ZDHHC21: variants seen among roughly 807,000 people sequenced by gnomAD.
ZDHHC21 encodes the protein zDHHC palmitoyltransferase 21, also known as palmitoyltransferase ZDHHC21.
Under a neutral mutation model 34.6 loss-of-function variants are expected in ZDHHC21, and 15 were observed. The observed-to-expected ratio is 0.43, with a 90% CI of 0.29 to 0.67. The LOEUF is 0.67. Ranked by LOEUF, ZDHHC21 falls within the 30% of genes least tolerant of loss-of-function variation. ZDHHC21 has a pLI of 0.14. For missense variants in ZDHHC21, 344 were observed against 327.7 expected (o/e 1.05, Z -0.38); for synonymous variants, 142 against 101.8 (o/e 1.40, Z -2.38).
intron 7 of ZDHHC21, among the ~76,000 whole-genome samples, chr9:14,641,287 T>C (rs1829324756): frequency 6.6e-6 from 1 of 152,186 alleles, no homozygotes; most frequent in Non-Finnish European, 1.5e-5. Context: ...TAAAACGTTA[T>C]GTAGCAGGTA....
intron 7 of ZDHHC21, among the ~76,000 whole-genome samples, chr9:14,648,451 C>T (rs1182349864): frequency 1.3e-5 from 2 of 152,028 alleles, no homozygotes; most frequent in Non-Finnish European, 2.9e-5. Flanking sequence ...AACTCATCAT[C>T]TCCTATTGCT....
chr9:14,621,187 G>C (rs1586888878), intron 8 of ZDHHC21, among the ~76,000 whole-genome samples: 2 of 152,140 alleles, frequency 1.3e-5, no homozygotes, highest in African/African-American at 4.8e-5. Flanking sequence ...CGAGAAAGCT[G>C]AAATAGAATA....
chr9:14,619,122 G>GA, intron 9 of ZDHHC21, 24 bp from the exon 10 acceptor site: 1 of 1,583,380 alleles, frequency 6.3e-7, no homozygotes, highest in Non-Finnish European at 8.6e-7. Context: ...CATTATTAGT[G>GA]AAAGACAGCA....
chr9:14,607,551 G>A (rs887875652), downstream of ZDHHC21, among the ~76,000 whole-genome samples: 2 of 151,920 alleles, frequency 1.3e-5, no homozygotes, highest in African/African-American at 4.8e-5. Flanking sequence ...TGGGGAGGAG[G>A]GTGGGAGTGA....
intron 8 of ZDHHC21, among the ~76,000 whole-genome samples, chr9:14,620,191 C>G (rs756032386): frequency 6.6e-6 from 1 of 151,890 alleles, no homozygotes; most frequent in Non-Finnish European, 1.5e-5. Context: ...ATTCTGAAAA[C>G]TAAACTGACC....
At chr9:14,653,896 CAATT>C (rs1424027892) in intron 7 of ZDHHC21, among the ~76,000 whole-genome samples, 1 of 151,552 alleles carries the variant, frequency 6.6e-6, no homozygotes, top group Non-Finnish European at 1.5e-5. Context: ...AGATAAAATC[CAATT>C]AATTAATAAA....
Position 14,616,172 on chromosome 9 carries a change from C to T in ZDHHC21, c.*2794G>A, listed in dbSNP as rs1314062645. On this transcript the variant is annotated 3_prime_UTR_variant, in exon 10 of 10. Coordinates refer to ENST00000380916, the MANE Select transcript of ZDHHC21 (RefSeq NM_178566.6). ...GATATTCATTAAAACACAGAAAATGCTTGGTTGTCTTTGTAGCTACAATAC... is the reference window on the plus strand; with the variant it reads ...GATATTCATTAAAACACAGAAAATGTTTGGTTGTCTTTGTAGCTACAATAC... 6.6e-6 allele frequency: 1 copy of T among 151,548 alleles called. No individual in the cohort carries two copies. Among genetic ancestry groups the T allele is most frequent in the African/African-American group, 2.4e-5 (1 of 41,338 alleles). The allele number at this position is 151,548 out of a possible 1,614,324, so 9.4% of individuals were successfully genotyped here. A position where few individuals can be genotyped will look rare whatever the true frequency, so the allele number is the denominator to read the frequency against.
intron 4 of ZDHHC21, among the ~76,000 whole-genome samples, 153 bp from the exon 5 acceptor site, chr9:14,673,081 C>G (rs968233923): frequency 6.6e-6 from 1 of 151,800 alleles, no homozygotes; most frequent in Non-Finnish European, 1.5e-5. Flanking sequence ...TTTCACTCAC[C>G]AAATAACACT....
the ZDHHC21 span, chr9:14,589,742 T>C: frequency 6.6e-6 from 1 of 152,236 alleles, no homozygotes; most frequent in Non-Finnish European, 1.5e-5. Context: ...CTAGGTTTTA[T>C]TATACTTGAA....
rs190853578 is a variant in ZDHHC21 at position 14,614,108 on chromosome 9, G to A, written c.*4858C>T. The A allele has an allele frequency of 3.0e-4, 46 of 151,824 alleles. No individual in the cohort carries two copies. The highest frequency in any genetic ancestry group is 1.1e-3 in the African/African-American group (45 of 41,506). The allele number at this position is 151,824 out of a possible 1,614,324, so 9.4% of individuals were successfully genotyped here. On this transcript the variant is annotated 3_prime_UTR_variant, in exon 10 of 10. Transcript: ENST00000380916. ...GATTACAGCAAAGAGATTCTCTGATGTCAGAAACTGGCTCCAGTCAACTCT... is the reference window on the plus strand; with the variant it reads ...GATTACAGCAAAGAGATTCTCTGATATCAGAAACTGGCTCCAGTCAACTCT...
chr9:14,599,979 C>T, the ZDHHC21 span, among the ~76,000 whole-genome samples: 92,169 of 152,006 alleles, frequency 0.61, 28,339 homozygotes, highest in African/African-American at 0.66. Flanking sequence ...AAACTCTCAA[C>T]AAACTAGGTA....
At chr9:14,682,523 CA>C (rs1185705095) in intron 2 of ZDHHC21, among the ~76,000 whole-genome samples, 5 of 152,186 alleles carry the variant, frequency 3.3e-5, no homozygotes, top group Non-Finnish European at 5.9e-5. Flanking sequence ...AATACAGGAG[CA>C]CCCAGATTCA....
intron 5 of ZDHHC21, among the ~76,000 whole-genome samples, chr9:14,671,641 T>A (rs1835461608): frequency 6.6e-6 from 1 of 151,998 alleles, no homozygotes; most frequent in South Asian, 2.1e-4. Flanking sequence ...TGTAATGCTA[T>A]GTCAAAAAAC....
intron 8 of ZDHHC21, among the ~76,000 whole-genome samples, chr9:14,623,638 C>T (rs1226869777): frequency 4.1e-5 from 4 of 98,522 alleles, no homozygotes; most frequent in African/African-American, 1.5e-4. Flanking sequence ...ACACAAACAA[C>T]TCAACAGAAA....
chr9:14,628,415 G>C (rs1826695911), intron 8 of ZDHHC21, among the ~76,000 whole-genome samples: 1 of 152,148 alleles, frequency 6.6e-6, no homozygotes, highest in African/African-American at 2.4e-5. Flanking sequence ...GTGATATGCT[G>C]CTTCCCTGAA....
chr9:14,653,352 GTAA>G (rs1193667734), intron 7 of ZDHHC21, among the ~76,000 whole-genome samples: 1 of 151,888 alleles, frequency 6.6e-6, no homozygotes, highest in Non-Finnish European at 1.5e-5. Flanking sequence ...AATGTCAATG[GTAA>G]TAATGGTGAC....
the ZDHHC21 span, among the ~76,000 whole-genome samples, chr9:14,590,753 T>C: frequency 1.4e-4 from 21 of 152,128 alleles, 1 homozygote; most frequent in South Asian, 4.4e-3. Flanking sequence ...TAAAAGGAAA[T>C]TCTCAGACAG....
the ZDHHC21 span, among the ~76,000 whole-genome samples, chr9:14,600,041 C>T: frequency 6.0e-3 from 908 of 152,272 alleles, 24 homozygotes; most frequent in East Asian, 0.031. Flanking sequence ...AAAACCACAG[C>T]CAATATCATG....
intron 2 of ZDHHC21, among the ~76,000 whole-genome samples, chr9:14,680,897 T>A (rs1251150220): frequency 1.3e-5 from 2 of 152,120 alleles, no homozygotes; most frequent in Non-Finnish European, 2.9e-5. Flanking sequence ...ACAAAATGTA[T>A]TTCTTATGGT....
Sources: allele counts gnomAD v4.1 joint callset (sites outside exome capture counted in the v4.1 genomes callset), GRCh38; gene constraint gnomAD v4.1.1; transcripts MANE v1.5; gene names NCBI Gene and HGNC (gene_info 2026-07-23, HGNC 2026-07-21).